Variants in ACAP2 observed in about 807,000 individuals in gnomAD.
ACAP2 encodes the protein ArfGAP with coiled-coil, ankyrin repeat and PH domains 2, also known as arf-GAP with coiled-coil, ANK repeat and PH domain-containing protein 2.
ACAP2 carries 39 observed loss-of-function variants against 115.8 expected under a neutral mutation model. That is an observed-to-expected ratio of 0.34 (90% CI 0.26 to 0.44). The LOEUF is 0.44. Ranked by LOEUF, ACAP2 falls within the 20% of genes least tolerant of loss-of-function variation. ACAP2 has a pLI of 1.00. For missense variants in ACAP2, 662 were observed against 927.6 expected (o/e 0.71, Z 3.72); for synonymous variants, 289 against 315.8 (o/e 0.92, Z 0.90).
chr3:195,361,964 A>C (rs1340138092), intron 4 of ACAP2, among the ~76,000 whole-genome samples: 1 of 152,218 alleles, frequency 6.6e-6, no homozygotes, highest in Non-Finnish European at 1.5e-5. Flanking sequence ...CCAAGATTGA[A>C]GCACGAAGAA....
chr3:195,290,813 A>AAAATAAATAAATAAAT (rs34104661), intron 20 of ACAP2, among the ~76,000 whole-genome samples: 2 of 138,406 alleles, frequency 1.4e-5, no homozygotes, highest in African/African-American at 5.6e-5. Flanking sequence ...ACTTTATCTC[A>AAAATAAATAAATAAAT]AAATAAATAA....
intron 6 of ACAP2, among the ~76,000 whole-genome samples, chr3:195,342,094 T>C (rs1730917559): frequency 6.6e-6 from 1 of 152,174 alleles, no homozygotes; most frequent in African/African-American, 2.4e-5. Context: ...TTCACCACTA[T>C]GCAATTCACC....
chr3:195,292,165 T>C (rs563615869), intron 19 of ACAP2, 100 bp downstream of exon 19: 297 of 1,366,192 alleles, frequency 2.2e-4, no homozygotes, highest in Non-Finnish European at 2.6e-4. Context: ...TTCTAACCCA[T>C]CTCTTGAAGC....
Position 195,286,279 on chromosome 3 carries a change from C to CAT in ACAP2, c.2175-424_2175-423dup, listed in dbSNP as rs968042823. On this transcript the variant is annotated intron_variant, in intron 21 of 22. Transcript: ENST00000326793. ...CACCCTGAAGTGAGGTAGCTGCAGA[C>CAT]ATATAAACAGCATGTGTGGCCTCTA... Among the ~76,000 whole-genome samples, 19 of 152,290 alleles carry CAT rather than the reference C, an allele frequency of 1.2e-4. No homozygotes were observed. The South Asian group carries it at 3.5e-3, about 28-fold the overall frequency.
chr3:195,389,900 C>T (rs1405003808), intron 2 of ACAP2, among the ~76,000 whole-genome samples: 10 of 152,168 alleles, frequency 6.6e-5, no homozygotes, highest in Admixed American at 6.6e-4. Context: ...CTGAACTGAT[C>T]ATAAAGACAG....
At chr3:195,375,507 CA>C (rs77856053) in intron 4 of ACAP2, among the ~76,000 whole-genome samples, 23,793 of 103,424 alleles carry the variant, frequency 0.23, 1,901 homozygotes, top group African/African-American at 0.3. Context: ...ATCAACTGTA[CA>C]AAAAAAAAAA....
chr3:195,302,197 GTTTTT>G, intron 13 of ACAP2, 23 bp from the exon 14 acceptor site: 2 of 1,548,508 alleles, frequency 1.3e-6, no homozygotes, highest in Admixed American at 1.9e-5. Flanking sequence ...AGAATTACTT[GTTTTT>G]AAAAAAAAAA....
Position 195,279,337 on chromosome 3 carries a change from C to T in ACAP2, c.2328G>A (p.Gln776=). 6.2e-7 allele frequency: 1 copy of T among 1,600,770 alleles called. No individual in the cohort carries two copies. The highest frequency in any genetic ancestry group is 8.5e-7 in the Non-Finnish European group (1 of 1,173,998). The change falls in exon 23 of 23, where the codon CAG becomes CAA. Residue 776 remains glutamine (Q), a synonymous_variant. Transcript: ENST00000326793. ...CCATTTTTAAAAAAATTCAGAATTT[C>T]TGTGAATCTTGCTGGAAACGATTTA... is the stretch of plus-strand genomic sequence containing the variant. The part of the protein sequence containing the change: ...EKLNRFQQDS[Q]KF
At chr3:195,294,587 A>AAAAAAAAAAAAAAAAAC (rs1727498817) in intron 18 of ACAP2, 132 bp downstream of exon 18, 1 of 85,520 alleles carries the variant, frequency 1.2e-5, no homozygotes, top group Non-Finnish European at 2.3e-5. Context: ...TCAAAAAAAA[A>AAAAAAAAAAAAAAAAAC]AGAAGAAAAA....
At chr3:195,424,808 T>G (rs890303063) in intron 1 of ACAP2, among the ~76,000 whole-genome samples, 1 of 148,836 alleles carries the variant, frequency 6.7e-6, no homozygotes, top group East Asian at 2.0e-4. Flanking sequence ...TCCCAGCTAT[T>G]CAAGAGGCTG....
chr3:195,383,992 T>G (rs1346296702), intron 2 of ACAP2, among the ~76,000 whole-genome samples: 1 of 152,294 alleles, frequency 6.6e-6, no homozygotes, highest in South Asian at 2.1e-4. Flanking sequence ...AGGGCAGTTA[T>G]GGGGAAATAG....
At chr3:195,431,546 T>G (rs1039027915) in intron 1 of ACAP2, among the ~76,000 whole-genome samples, 7 of 151,662 alleles carry the variant, frequency 4.6e-5, no homozygotes, top group Non-Finnish European at 1.0e-4. Context: ...CACGCCATTC[T>G]CCTGCCTCAG....
At chr3:195,359,458 A>C (rs1732202310) in intron 4 of ACAP2, among the ~76,000 whole-genome samples, 1 of 152,090 alleles carries the variant, frequency 6.6e-6, no homozygotes, top group Non-Finnish European at 1.5e-5. Flanking sequence ...GTGTTAAAGT[A>C]TTGAGTTTTT....
At chr3:195,296,602 AG>A (rs1201449571) in intron 16 of ACAP2, among the ~76,000 whole-genome samples, 3 of 152,218 alleles carry the variant, frequency 2.0e-5, no homozygotes, top group African/African-American at 7.2e-5. Flanking sequence ...GACAGAAATC[AG>A]TATCAACAAC....
chr3:195,343,535 C>G (rs564384728), intron 5 of ACAP2, among the ~76,000 whole-genome samples: 1 of 152,310 alleles, frequency 6.6e-6, no homozygotes, highest in South Asian at 2.1e-4. Flanking sequence ...AAGCGATCCT[C>G]ACACCTCATG....
chr3:195,421,732 T>C (rs576263614), intron 1 of ACAP2, among the ~76,000 whole-genome samples: 15 of 152,348 alleles, frequency 9.8e-5, no homozygotes, highest in Non-Finnish European at 2.1e-4. Context: ...TCACAGTTAG[T>C]TTTCTTCCAT....
At chr3:195,418,086 T>C (rs1252054156) in intron 1 of ACAP2, among the ~76,000 whole-genome samples, 1 of 152,216 alleles carries the variant, frequency 6.6e-6, no homozygotes, top group African/African-American at 2.4e-5. Flanking sequence ...TCCTATACTT[T>C]TCCTGCATTT....
intron 22 of ACAP2, among the ~76,000 whole-genome samples, chr3:195,281,792 A>G (rs180777471): frequency 1.1e-3 from 165 of 152,364 alleles, no homozygotes; most frequent in African/African-American, 3.8e-3. Context: ...AACATTAAAT[A>G]GCAACAAACC....
chr3:195,359,286 G>A lies in ACAP2; in HGVS notation c.286-13969C>T, dbSNP rs183800940. On this transcript the variant is annotated intron_variant, in intron 4 of 22. Transcript: ENST00000326793. ...CAGTAAGTAGTACAAAGACAAACAC[G>A]GAATACTATAACACTGTAATTGTGC... Among the ~76,000 whole-genome samples the A allele has an allele frequency of 4.0e-3, 605 of 152,198 alleles. 2 individuals are homozygous for A. Among genetic ancestry groups the A allele is most frequent in the South Asian group, 4.4e-3 (21 of 4,826 alleles).
Sources: gnomAD v4.1 joint callset for allele counts (sites outside exome capture counted in the v4.1 genomes callset) on GRCh38, gnomAD v4.1.1 for gene constraint, MANE v1.5 for transcripts, NCBI Gene and HGNC (gene_info 2026-07-23, HGNC 2026-07-21) for gene names.